The following BRI3 variants were observed in gnomAD, a reference collection of about 807,000 sequenced individuals.
The protein encoded by BRI3 is brain protein I3.
A neutral mutation model predicts 12.8 loss-of-function variants in BRI3; 6 were observed. The observed-to-expected ratio is 0.47, with a 90% confidence interval of 0.26 to 0.93. The LOEUF (loss-of-function observed/expected upper bound fraction) is 0.93. Among genes scored for constraint, BRI3 ranks in the 40% least tolerant of loss-of-function variants. The pLI is 0.15. For missense variants in BRI3, 134 were observed against 171.1 expected (o/e 0.78, Z 1.21); for synonymous variants, 91 against 76.1 (o/e 1.20, Z -1.02).
chr7:98,317,374 G>A, the BRI3 span: 1 of 1,611,828 alleles, frequency 6.2e-7, no homozygotes, highest in Non-Finnish European at 8.5e-7. Flanking sequence ...TTAAATGGCT[G>A]TGCTTATTTT....
upstream of BRI3, chr7:98,304,133 T>A: frequency 6.8e-7 from 1 of 1,466,874 alleles, no homozygotes; most frequent in Admixed American, 2.5e-5. Context: ...CCACAGGACC[T>A]GCGCCTCCCA....
intron 1 of BRI3, 123 bp downstream of exon 1, chr7:98,282,060 G>T: frequency 7.8e-7 from 1 of 1,289,742 alleles, no homozygotes; most frequent in South Asian, 2.0e-5. Context: ...AGGTCCCCGG[G>T]CTGGCTTCGG....
upstream of BRI3, among the ~76,000 whole-genome samples, chr7:98,304,756 C>T (rs1407309497): frequency 6.6e-6 from 1 of 151,850 alleles, no homozygotes; most frequent in Non-Finnish European, 1.5e-5. Flanking sequence ...ACCATATTGG[C>T]CAGGCTGGTC....
chr7:98,296,407 C>G (rs1200635344), downstream of BRI3, among the ~76,000 whole-genome samples: 1 of 152,202 alleles, frequency 6.6e-6, no homozygotes, highest in Non-Finnish European at 1.5e-5. Context: ...GGGCGCATCA[C>G]CTGAGGTCGG....
the BRI3 span, chr7:98,315,620 A>AT: frequency 3.9e-4 from 422 of 1,085,048 alleles, 1 homozygote; most frequent in Middle Eastern, 9.6e-4. Context: ...ATACTAAAAA[A>AT]AAAAAAATAA....
chr7:98,292,798 C>T (rs906053260), downstream of BRI3: 5 of 1,538,834 alleles, frequency 3.2e-6, no homozygotes, highest in Admixed American at 1.0e-4. Context: ...ACTCCGACGC[C>T]CAGGCCTGTG....
intron 1 of BRI3, among the ~76,000 whole-genome samples, chr7:98,300,812 TCTGG>T (rs1054766949): frequency 7.2e-5 from 11 of 152,102 alleles, no homozygotes; most frequent in Admixed American, 5.9e-4. Context: ...ATCCTGCCTC[TCTGG>T]CTGGTGCCCG....
Position 98,291,292 on chromosome 7 carries a change from G to A in BRI3, c.*49G>A. Reference sequence around the variant, plus strand: ...CTACACCCAGCTCTCTTTTTCTAATGTAAATGTTGTGTACAATAATTTTAT... The same window carrying A: ...CTACACCCAGCTCTCTTTTTCTAATATAAATGTTGTGTACAATAATTTTAT... On this transcript the variant is annotated 3_prime_UTR_variant, in exon 3 of 3. Coordinates refer to ENST00000297290, the MANE Select transcript of BRI3 (RefSeq NM_015379.5). 2.5e-6 allele frequency: 4 copies of A among 1,609,390 alleles called. No homozygotes were observed. Among genetic ancestry groups the A allele is most frequent in the Non-Finnish European group, 2.5e-6 (3 of 1,178,498 alleles).
the BRI3 span, among the ~76,000 whole-genome samples, chr7:98,315,835 G>C: frequency 6.6e-6 from 1 of 152,176 alleles, no homozygotes; most frequent in Non-Finnish European, 1.5e-5. Context: ...CCAAGGGCTT[G>C]ACATTCCCAC....
chr7:98,320,283 T>C, the BRI3 span: 1 of 1,607,638 alleles, frequency 6.2e-7, no homozygotes, highest in Admixed American at 1.7e-5. Flanking sequence ...ACTTGAAATC[T>C]CTATGAGGAC....
chr7:98,302,956 TTA>T (rs985932542), upstream of BRI3, among the ~76,000 whole-genome samples: 2 of 152,230 alleles, frequency 1.3e-5, no homozygotes, highest in African/African-American at 4.8e-5. Flanking sequence ...GGCTAATTTT[TTA>T]TATTTTTTGT....
chr7:98,303,309 G>A (rs1391110294), upstream of BRI3, among the ~76,000 whole-genome samples: 1 of 152,124 alleles, frequency 6.6e-6, no homozygotes, highest in Non-Finnish European at 1.5e-5. Context: ...AGGTATAGGG[G>A]CCTGGCTCCT....
chr7:98,304,203 G>T (rs144083350), upstream of BRI3: 2 of 1,593,580 alleles, frequency 1.3e-6, no homozygotes, highest in Non-Finnish European at 1.7e-6. Flanking sequence ...CACAGGAGCC[G>T]CGGTCTCGGG....
intron 2 of BRI3, among the ~76,000 whole-genome samples, chr7:98,283,783 G>T (rs1220824993): frequency 1.3e-5 from 2 of 152,204 alleles, no homozygotes; most frequent in Non-Finnish European, 2.9e-5. Flanking sequence ...CCCCACCTGG[G>T]ACGTGGGGGT....
chr7:98,291,022 T>G, intron 2 of BRI3, 89 bp from the exon 3 acceptor site: 1 of 1,461,286 alleles, frequency 6.8e-7, no homozygotes, highest in Non-Finnish European at 9.5e-7. Flanking sequence ...TGGCCACTGG[T>G]TGGTTATTGA....
rs139422266 is a variant in BRI3 at position 98,286,739 on chromosome 7, T to C, written c.245+4286T>C. 6.7e-3 allele frequency among the ~76,000 whole-genome samples: 1,024 copies of C among 152,302 alleles called. 10 individuals are homozygous for C. Among genetic ancestry groups the C allele is most frequent in the Non-Finnish European group, 0.011 (768 of 68,018 alleles). On this transcript the variant is annotated intron_variant, in intron 2 of 2. Transcript: ENST00000297290. ...TTTAAAAAGTAAATGATGCCAACAC[T>C]CCTTTTGAGGTCTAGGGCAGTACTG...
At chr7:98,309,278 C>T (rs1373728789) in exon 2 of BRI3, 1 of 152,170 alleles carries the variant, frequency 6.6e-6, no homozygotes, top group Non-Finnish European at 1.5e-5. Context: ...CCTCAGCCTC[C>T]TGAACAGCTG....
chr7:98,286,466 G>T (rs188752235), intron 2 of BRI3, among the ~76,000 whole-genome samples: 3 of 152,220 alleles, frequency 2.0e-5, no homozygotes, highest in East Asian at 3.9e-4. Flanking sequence ...GCACAAGAAT[G>T]GGGGAGGGGC....
At chr7:98,302,633 C>A (rs1344880152), upstream of BRI3, among the ~76,000 whole-genome samples, 1 of 152,136 alleles carries the variant, frequency 6.6e-6, no homozygotes, top group East Asian at 1.9e-4. Flanking sequence ...ATGGGGGACA[C>A]CCTCCAGGAC....
Sources: gnomAD v4.1 joint callset for allele counts (sites outside exome capture counted in the v4.1 genomes callset) on GRCh38, gnomAD v4.1.1 for gene constraint, MANE v1.5 for transcripts, NCBI Gene and HGNC (gene_info 2026-07-23, HGNC 2026-07-21) for gene names.